The following FCF1 variants were observed in gnomAD, a reference collection of about 807,000 sequenced individuals.
FCF1 encodes the protein FCF1 rRNA-processing protein.
FCF1 carries 17 observed loss-of-function variants against 32.5 expected under a neutral mutation model. The ratio of observed to expected loss-of-function variants is 0.52; its 90% CI spans 0.36 to 0.78. The LOEUF (loss-of-function observed/expected upper bound fraction) is 0.78. FCF1 is among the 30% of genes least tolerant of loss of function. The pLI is 0.00. For missense variants in FCF1, 201 were observed against 241.1 expected (o/e 0.83, Z 1.10); for synonymous variants, 84 against 78.4 (o/e 1.07, Z -0.38).
At chr14:74,713,854 A>G (rs942057520) in intron 2 of FCF1, among the ~76,000 whole-genome samples, 1 of 152,094 alleles carries the variant, frequency 6.6e-6, no homozygotes, top group Non-Finnish European at 1.5e-5. Context: ...TTATGTTTTT[A>G]CCATTACACT....
intron 4 of FCF1, among the ~76,000 whole-genome samples, chr14:74,717,376 A>C (rs1359442543): frequency 6.6e-6 from 1 of 152,086 alleles, no homozygotes; most frequent in Non-Finnish European, 1.5e-5. Flanking sequence ...GGCTGCATAC[A>C]TTTATTAGCT....
intron 4 of FCF1, among the ~76,000 whole-genome samples, chr14:74,719,047 T>G (rs1359692332): frequency 7.1e-6 from 1 of 141,214 alleles, no homozygotes; most frequent in African/African-American, 2.7e-5. Context: ...AGAGAATCTC[T>G]GGAACCTGGG....
At chr14:74,714,836 T>C (rs758807415) in intron 2 of FCF1, 36 bp from the exon 3 acceptor site, 5 of 1,525,934 alleles carry the variant, frequency 3.3e-6, no homozygotes, top group Non-Finnish European at 4.4e-6. Context: ...GTGGTTTTTC[T>C]TCTCCCTTGG....
At position 74,734,950 on chromosome 14, in the gene FCF1, C is replaced by T; in HGVS notation, c.*20C>T. ...TTCTAATTCTTACAAGACACAGTTC[C>T]TCTGCCTTTCTTCGACCAACTTTCT... is the stretch of plus-strand genomic sequence containing the variant. On this transcript the variant is annotated 3_prime_UTR_variant, in exon 8 of 8. Coordinates refer to ENST00000341162, the MANE Select transcript of FCF1 (RefSeq NM_015962.5). 2 of 1,607,070 alleles carry T rather than the reference C, an allele frequency of 1.2e-6. No homozygotes were observed. Among genetic ancestry groups the T allele is most frequent in the Middle Eastern group, 1.7e-4 (1 of 6,048 alleles).
chr14:74,725,761 T>C (rs1316808632), intron 5 of FCF1, among the ~76,000 whole-genome samples: 20 of 151,804 alleles, frequency 1.3e-4, no homozygotes, highest in Admixed American at 1.3e-3. Context: ...GGTGAAACCC[T>C]GTCTCTACTA....
In FCF1 at chr14:74,735,091, C is replaced by A; in HGVS notation, c.*161C>A. ...GCACCAGCCCAGTCAGATTAACATC[C>A]AAAGGACTGAACCCTGAACAGAGTT... On this transcript the variant is annotated 3_prime_UTR_variant, in exon 8 of 8. Transcript: ENST00000341162. 52 of 454,884 alleles carry A rather than the reference C, an allele frequency of 1.1e-4. No individual in the cohort carries two copies. Among genetic ancestry groups the A allele is most frequent in the Middle Eastern group, 7.3e-4 (1 of 1,362 alleles). 28.2% of individuals were successfully genotyped at this position (454,884 alleles called of 1,614,324 possible). A position where few individuals can be genotyped will look rare whatever the true frequency, so the allele number is the denominator to read the frequency against.
chr14:74,718,967 TAAAA>T (rs1382833955), intron 4 of FCF1, among the ~76,000 whole-genome samples: 1 of 151,022 alleles, frequency 6.6e-6, no homozygotes, highest in East Asian at 2.0e-4. Flanking sequence ...CCATCTCTAC[TAAAA>T]ATACAAAAAT....
At chr14:74,717,969 G>A (rs2090443994) in intron 4 of FCF1, among the ~76,000 whole-genome samples, 1 of 152,148 alleles carries the variant, frequency 6.6e-6, no homozygotes, top group Admixed American at 6.5e-5. Context: ...CCGCCTCCCA[G>A]GTTCAAGCAG....
intron 4 of FCF1, among the ~76,000 whole-genome samples, chr14:74,716,408 TC>T (rs2090420853): frequency 6.6e-6 from 1 of 152,198 alleles, no homozygotes; most frequent in South Asian, 2.1e-4. Flanking sequence ...AAATGAAAAA[TC>T]TATTTTTCAG....
intron 2 of FCF1, 91 bp from the exon 3 acceptor site, chr14:74,714,778 CAAA>C (rs35901005): frequency 2.0e-3 from 2,575 of 1,299,962 alleles, no homozygotes; most frequent in Admixed American, 4.5e-3. Context: ...TTCAGTAGAC[CAAA>C]AAAAAAAAAA....
chr14:74,725,700 C>T (rs1338526838), intron 5 of FCF1, among the ~76,000 whole-genome samples: 1 of 151,590 alleles, frequency 6.6e-6, no homozygotes, highest in Non-Finnish European at 1.5e-5. Flanking sequence ...TTTGGGAGGC[C>T]GAGGCGGGTG....
chr14:74,732,854 A>T, intron 6 of FCF1, 36 bp downstream of exon 6: 2 of 1,149,362 alleles, frequency 1.7e-6, no homozygotes, highest in Non-Finnish European at 2.5e-6. Context: ...TTTGTGCTTA[A>T]AAAAAAAAAA....
chr14:74,713,217 C>T lies in FCF1; in HGVS notation c.3+17C>T, dbSNP rs1312217567. 2.5e-6 allele frequency: 4 copies of T among 1,614,050 alleles called. No individual in the cohort carries two copies. The highest frequency in any genetic ancestry group is 3.4e-6 in the Non-Finnish European group (4 of 1,180,044). On this transcript the variant is annotated intron_variant, in intron 1 of 7. Coordinates refer to ENST00000341162, the MANE Select transcript of FCF1 (RefSeq NM_015962.5). Reference sequence around the variant, plus strand: ...GTGACCATGGTGAGAGAAGACGGTCCAAGAAGGGACGTTATCAGGCCACTT... The same window carrying T: ...GTGACCATGGTGAGAGAAGACGGTCTAAGAAGGGACGTTATCAGGCCACTT...
In FCF1 at chr14:74,738,082, A is replaced by C. The variant is rs1224527237; in HGVS notation, c.*3152A>C. 2.0e-5 allele frequency: 3 copies of C among 151,630 alleles called. No individual in the cohort carries two copies. Among genetic ancestry groups the C allele is most frequent in the Admixed American group, 2.0e-4 (3 of 15,236 alleles). 9.4% of individuals were successfully genotyped at this position (151,630 alleles called of 1,614,324 possible). On this transcript the variant is annotated 3_prime_UTR_variant, in exon 8 of 8. Transcript: ENST00000341162. ...ATATTTCAAGTGGATCAAAGACCTA[A>C]ATTTTTTTTTTTTTTGAGACAGTTT...
At chr14:74,726,376 A>G (rs1243074076) in intron 5 of FCF1, among the ~76,000 whole-genome samples, 2 of 152,004 alleles carry the variant, frequency 1.3e-5, no homozygotes, top group East Asian at 3.9e-4. Context: ...ATTCCCAGCT[A>G]CTTGGGAGGC....
intron 4 of FCF1, among the ~76,000 whole-genome samples, chr14:74,719,635 C>T (rs563681415): frequency 1.0e-4 from 15 of 149,180 alleles, no homozygotes; most frequent in African/African-American, 3.7e-4. Context: ...CATGGTGGAG[C>T]ATGTCTATGG....
rs1018412995 is a variant in FCF1 at position 74,715,633 on chromosome 14, G to A, written c.144-318G>A. On this transcript the variant is annotated intron_variant, in intron 3 of 7. Transcript: ENST00000341162. ...CGTGTTGTTGTATCATTCTAATCAC[G>A]ATAACTGTATTCTACCTCCCTGTGC... The A allele has an allele frequency of 1.6e-4, 66 of 405,484 alleles. 1 individual carries two copies. The highest frequency in any genetic ancestry group is 1.3e-3 in the South Asian group (60 of 46,966). The allele number at this position is 405,484 out of a possible 1,614,324, so 25.1% of individuals were successfully genotyped here.
intron 2 of FCF1, among the ~76,000 whole-genome samples, chr14:74,713,834 A>G (rs928443399): frequency 2.6e-5 from 4 of 152,174 alleles, no homozygotes; most frequent in African/African-American, 9.7e-5. Flanking sequence ...TGAAGTCCGT[A>G]TAGTTCTCTT....
intron 4 of FCF1, among the ~76,000 whole-genome samples, chr14:74,721,495 G>T (rs939242421): frequency 7.2e-5 from 11 of 152,282 alleles, no homozygotes; most frequent in African/African-American, 2.4e-4. Flanking sequence ...CAGGTCAGGA[G>T]TTCGAAACCA....
Sources: gnomAD v4.1 joint callset for allele counts (sites outside exome capture counted in the v4.1 genomes callset) on GRCh38, gnomAD v4.1.1 for gene constraint, MANE v1.5 for transcripts, NCBI Gene and HGNC (gene_info 2026-07-23, HGNC 2026-07-21) for gene names.